MACF1: variants seen among roughly 807,000 people sequenced by gnomAD.
MACF1 encodes the protein microtubule-actin cross-linking factor 1.
MACF1 carries 193 observed loss-of-function variants against 854.8 expected under a neutral mutation model. The ratio of observed to expected loss-of-function variants is 0.23; its 90% CI spans 0.20 to 0.25. The LOEUF (loss-of-function observed/expected upper bound fraction) is 0.25. MACF1 is among the 10% of genes least tolerant of loss of function. The probability of loss-of-function intolerance (pLI) is 1.00; values close to 1 mark genes in which losing one functional copy is unlikely to be tolerated. For missense variants in MACF1, 7,722 were observed against 8,929.1 expected, an observed-to-expected ratio of 0.86 and a Z score of 5.45; for synonymous variants, 3,185 against 3,226.7, an observed-to-expected ratio of 0.99 and a Z score of 0.44.
At chr1:39,420,888 T>TG (rs1643509651) in intron 58 of MACF1, among the ~76,000 whole-genome samples, 1 of 142,270 alleles carries the variant, frequency 7.0e-6, no homozygotes, top group Non-Finnish European at 1.5e-5. Context: ...TTTTTTGAGA[T>TG]GGAGTCTTGC....
intron 40 of MACF1, among the ~76,000 whole-genome samples, chr1:39,343,121 A>G (rs1465401242): frequency 2.6e-5 from 4 of 152,168 alleles, no homozygotes; most frequent in Non-Finnish European, 5.9e-5. Flanking sequence ...CATGAGACAC[A>G]TGTGAGCCAG....
At chr1:39,394,598 G>A (rs1317557269) in intron 58 of MACF1, among the ~76,000 whole-genome samples, 4 of 152,036 alleles carry the variant, frequency 2.6e-5, no homozygotes, top group Non-Finnish European at 5.9e-5. Flanking sequence ...ACTCCAGCCT[G>A]GGTGTCAGAA....
chr1:39,363,142 A>G (rs1485047616), intron 49 of MACF1, among the ~76,000 whole-genome samples: 2 of 152,086 alleles, frequency 1.3e-5, no homozygotes, highest in Non-Finnish European at 2.9e-5. Flanking sequence ...TTTTTTCTGT[A>G]ATTTCTTATA....
chr1:39,275,555 G>A (rs1442925676), intron 6 of MACF1, among the ~76,000 whole-genome samples: 1 of 152,106 alleles, frequency 6.6e-6, no homozygotes, highest in Non-Finnish European at 1.5e-5. Flanking sequence ...CATCAGATTG[G>A]CAGAAGGTAA....
intron 49 of MACF1, among the ~76,000 whole-genome samples, chr1:39,367,012 A>G (rs1237807816): frequency 1.4e-5 from 2 of 144,080 alleles, no homozygotes; most frequent in East Asian, 2.0e-4. Flanking sequence ...CAGTGGCACA[A>G]TCTTGGCTCA....
rs559032460 is a variant in MACF1, at chr1:39,317,440, G to C, written c.3782+33G>C. 6.2e-5 allele frequency: 100 copies of C among 1,601,766 alleles called. 1 individual carries two copies. In the East Asian group the frequency reaches 2.1e-3, roughly 33 times the overall value. ...GTGGCCCCACCTTTTTCTCCTATTA[G>C]AGTTCAGGGACTAGGTCTTAAACAA... On this transcript the variant is annotated intron_variant, in intron 29 of 100. Coordinates refer to ENST00000564288, the MANE Select transcript of MACF1 (RefSeq NM_001394062.1).
chr1:39,138,478 T>C (rs556332307), intron 2 of MACF1, among the ~76,000 whole-genome samples: 54 of 150,102 alleles, frequency 3.6e-4, no homozygotes, highest in African/African-American at 1.3e-3. Context: ...CCAGCTACTC[T>C]GGAGGCTGAG....
At position 39,334,672 on chromosome 1, in the gene MACF1, A is replaced by C; in HGVS notation, c.8084A>C (p.Asp2695Ala). The part of the protein sequence containing the change: ...EAQANTGGII[D>A]TATGKRLTLA... Reference sequence around the variant, plus strand: ...CAGGCAAATACTGGTGGAATCATAGATACTGCTACTGGAAAAAGACTGACA... The same window carrying C: ...CAGGCAAATACTGGTGGAATCATAGCTACTGCTACTGGAAAAAGACTGACA... Residue 2695 changes from aspartate (D) to alanine (A), a missense_variant, in exon 37 of 101, where the codon GAT (aspartate) becomes GCT (alanine). Coordinates refer to ENST00000564288, the MANE Select transcript of MACF1 (RefSeq NM_001394062.1). The C allele has an allele frequency of 6.2e-7, 1 of 1,614,110 alleles. No individual in the cohort carries two copies. Among genetic ancestry groups the C allele is most frequent in the Non-Finnish European group, 8.5e-7 (1 of 1,179,990 alleles).
intron 2 of MACF1, among the ~76,000 whole-genome samples, chr1:39,237,181 C>T (rs945399096): frequency 3.9e-5 from 6 of 152,206 alleles, no homozygotes; most frequent in Admixed American, 6.5e-5. Context: ...TATTTCTCTC[C>T]CTAGAATGCA....
Position 39,283,992 on chromosome 1 carries a change from G to T in MACF1, c.916-74G>T. ...AATGGATTTTATATAGTTTGGAGTG[G>T]CCTGAGCTACTTTCTCTTGTGCTTG... On this transcript the variant is annotated intron_variant, in intron 9 of 100. Transcript: ENST00000564288. The surrounding 1 kb of genome is among the most constrained non-coding windows in gnomAD (Gnocchi z 4.5). 6.5e-7 allele frequency: 1 copy of T among 1,535,898 alleles called. No homozygotes were observed. Among genetic ancestry groups the T allele is most frequent in the Non-Finnish European group, 8.9e-7 (1 of 1,122,692 alleles).
intron 2 of MACF1, among the ~76,000 whole-genome samples, chr1:39,249,180 A>G (rs1437939661): frequency 2.0e-5 from 3 of 152,216 alleles, no homozygotes; most frequent in Non-Finnish European, 4.4e-5. Context: ...AATGGTGGTA[A>G]TAAGTAAACT....
chr1:39,219,721 A>T (rs1266440312), intron 1 of MACF1, among the ~76,000 whole-genome samples: 1 of 152,182 alleles, frequency 6.6e-6, no homozygotes, highest in African/African-American at 2.4e-5. Context: ...TGTAGAGGGA[A>T]TATCTGAGTG....
chr1:39,368,538 G>A (rs997984775), intron 50 of MACF1, among the ~76,000 whole-genome samples: 3 of 151,938 alleles, frequency 2.0e-5, no homozygotes, highest in Non-Finnish European at 4.4e-5. Context: ...GTATCACTCT[G>A]TCACCCAGGC....
At chr1:39,156,260 C>T (rs1643684644) in intron 2 of MACF1, among the ~76,000 whole-genome samples, 1 of 152,104 alleles carries the variant, frequency 6.6e-6, no homozygotes, top group Non-Finnish European at 1.5e-5. Context: ...CCACCTACCT[C>T]AGCCTCCCAA....
intron 2 of MACF1, among the ~76,000 whole-genome samples, chr1:39,247,730 CAGATTAAATTTAA>C (rs1413777554): frequency 6.6e-6 from 1 of 152,158 alleles, no homozygotes; most frequent in East Asian, 1.9e-4. Flanking sequence ...GTTAATATTG[CAGATTAAATTTAA>C]AAGTGTGGGC....
At chr1:39,402,026 A>G (rs1373258810) in intron 58 of MACF1, among the ~76,000 whole-genome samples, 1 of 152,258 alleles carries the variant, frequency 6.6e-6, no homozygotes, top group Non-Finnish European at 1.5e-5. Context: ...AGCCTGGCCA[A>G]CATGGTAAAA....
chr1:39,459,320 C>T (rs1644503734), intron 91 of MACF1, 71 bp downstream of exon 91: 1 of 1,466,112 alleles, frequency 6.8e-7, no homozygotes, highest in Non-Finnish European at 9.2e-7. Flanking sequence ...CCTTCTGAGG[C>T]TCTCTTAATG....
At chr1:39,417,208 G>GA (rs2148626913) in intron 58 of MACF1, among the ~76,000 whole-genome samples, 1 of 152,252 alleles carries the variant, frequency 6.6e-6, no homozygotes, top group South Asian at 2.1e-4. Flanking sequence ...ACAGAGTTTG[G>GA]TAGAACTAAA....
chr1:39,283,649 G>T lies in MACF1; in HGVS notation c.915+134G>T. ...TATATCCAGTATCTTTATCATACATGGACATTATCCTTGGCCCTGGAAATG... is the reference window on the plus strand; with the variant it reads ...TATATCCAGTATCTTTATCATACATTGACATTATCCTTGGCCCTGGAAATG... On this transcript the variant is annotated intron_variant, in intron 9 of 100. Transcript: ENST00000564288. This position sits in a 1 kb window ranked among gnomAD's most constrained non-coding sequence, Gnocchi z 4.5. The T allele has an allele frequency of 3.0e-6, 2 of 666,840 alleles. No individual in the cohort carries two copies. Among genetic ancestry groups the T allele is most frequent in the Non-Finnish European group, 5.2e-6 (2 of 381,014 alleles). 41.3% of individuals were successfully genotyped at this position (666,840 alleles called of 1,614,324 possible).
Sources: allele counts gnomAD v4.1 joint callset (sites outside exome capture counted in the v4.1 genomes callset), GRCh38; gene constraint gnomAD v4.1.1; non-coding constraint Gnocchi (gnomAD v3.1); transcripts MANE v1.5; gene names NCBI Gene and HGNC (gene_info 2026-07-23, HGNC 2026-07-21).